BTG4: variants seen among roughly 807,000 people sequenced by gnomAD.
The protein encoded by BTG4 is protein BTG4.
BTG4 carries 10 observed loss-of-function variants against 19.3 expected under a neutral mutation model. That is an observed-to-expected ratio of 0.52 (90% CI 0.32 to 0.88). The LOEUF (loss-of-function observed/expected upper bound fraction) is 0.88, where lower values mean the gene tolerates loss of function less well. Among genes scored for constraint, BTG4 ranks in the 40% least tolerant of loss-of-function variants. The pLI, the probability that BTG4 is intolerant of heterozygous loss-of-function variation, is 0.04. For synonymous variants in BTG4, 91 were observed against 95.7 expected (o/e 0.95, Z 0.29); for missense variants, 238 against 281.9 (o/e 0.84, Z 1.11).
the BTG4 span, among the ~76,000 whole-genome samples, chr11:111,431,721 T>C: frequency 6.6e-6 from 1 of 152,082 alleles, no homozygotes; most frequent in Non-Finnish European, 1.5e-5. Flanking sequence ...GTGTAGGAAA[T>C]GACCAGAGTG....
rs918385029 is a variant in BTG4, at chr11:111,495,186, C to T, written c.639G>A (p.Arg213=). 1.2e-6 allele frequency: 2 copies of T among 1,608,040 alleles called. No homozygotes were observed. Among genetic ancestry groups the T allele is most frequent in the African/African-American group, 1.3e-5 (1 of 74,672 alleles). ...HGSQKHPKCY[R]PAMHRLDRYH... ...ACCTGTCCAGCCGGTGCATAGCAGG[C>T]CTGTAACACTTAGGATGCTTCTGCG... The change falls in exon 5 of 5, where the codon AGG becomes AGA. Residue 213 remains arginine, a synonymous_variant. Coordinates refer to ENST00000692032, the MANE Select transcript of BTG4 (RefSeq NM_001367975.1).
At chr11:111,390,928 G>T in the BTG4 span, among the ~76,000 whole-genome samples, 1 of 152,200 alleles carries the variant, frequency 6.6e-6, no homozygotes, top group African/African-American at 2.4e-5. Context: ...ACCCACCTCC[G>T]ATGGAGTTTG....
At chr11:111,420,547 C>T in the BTG4 span, among the ~76,000 whole-genome samples, 2 of 152,320 alleles carry the variant, frequency 1.3e-5, no homozygotes, top group Non-Finnish European at 2.9e-5. Context: ...ATGATCATCT[C>T]ACAAGAGTTA....
the BTG4 span, among the ~76,000 whole-genome samples, chr11:111,407,337 A>C: frequency 6.6e-6 from 1 of 152,050 alleles, no homozygotes; most frequent in African/African-American, 2.4e-5. Flanking sequence ...AAAGGGAATT[A>C]TTTCTGACAA....
intron 1 of BTG4, among the ~76,000 whole-genome samples, chr11:111,509,973 A>G (rs1184626638): frequency 2.2e-5 from 3 of 135,826 alleles, no homozygotes; most frequent in Non-Finnish European, 3.0e-5. Context: ...GTGCAGTGGC[A>G]CGATCTCGGC....
chr11:111,456,309 G>A, the BTG4 span, among the ~76,000 whole-genome samples: 94 of 152,172 alleles, frequency 6.2e-4, no homozygotes, highest in South Asian at 1.2e-3. The surrounding 1 kb of genome is among the most constrained non-coding windows in gnomAD (Gnocchi z 4.2). Flanking sequence ...GCCGGCCTGC[G>A]CAATGATATC....
chr11:111,444,850 A>C, the BTG4 span, among the ~76,000 whole-genome samples: 2 of 152,194 alleles, frequency 1.3e-5, no homozygotes, highest in South Asian at 4.1e-4. Context: ...AGGAGAGCGC[A>C]GCAGTAAAAG....
the BTG4 span, among the ~76,000 whole-genome samples, chr11:111,429,042 G>A: frequency 0.34 from 51,210 of 151,984 alleles, 8,673 homozygotes; most frequent in African/African-American, 0.36. Flanking sequence ...CTTAAATTGA[G>A]GTAAAAATCT....
At chr11:111,394,632 C>A in the BTG4 span, among the ~76,000 whole-genome samples, 20 of 152,284 alleles carry the variant, frequency 1.3e-4, no homozygotes, top group African/African-American at 4.6e-4. Context: ...AATACACATA[C>A]CCAGTGTGAA....
At chr11:111,442,345 C>CA in the BTG4 span, among the ~76,000 whole-genome samples, 1 of 147,578 alleles carries the variant, frequency 6.8e-6, no homozygotes, top group African/African-American at 2.5e-5. Context: ...TATAAAAATA[C>CA]AAAAAATTAG....
chr11:111,490,244 G>A (rs1210538541), downstream of BTG4, among the ~76,000 whole-genome samples: 5 of 151,700 alleles, frequency 3.3e-5, no homozygotes, highest in Admixed American at 3.3e-4. Flanking sequence ...TTGCACTCCA[G>A]CCTGGGCAAC....
At chr11:111,401,812 TG>T in the BTG4 span, among the ~76,000 whole-genome samples, 1 of 152,202 alleles carries the variant, frequency 6.6e-6, no homozygotes, top group Non-Finnish European at 1.5e-5. Context: ...TGCCCATCAC[TG>T]TATCCCCATC....
At chr11:111,436,975 G>T in the BTG4 span, among the ~76,000 whole-genome samples, 1 of 152,212 alleles carries the variant, frequency 6.6e-6, no homozygotes, top group Admixed American at 6.5e-5. Flanking sequence ...AGCAGACGCT[G>T]CAGGGCAGAA....
chr11:111,454,477 A>G, the BTG4 span: 4 of 363,706 alleles, frequency 1.1e-5, no homozygotes, highest in Non-Finnish European at 2.2e-5. Context: ...TATGGAACAT[A>G]GAGTCCTAAA....
At chr11:111,404,593 G>C in the BTG4 span, 2 of 456,130 alleles carry the variant, frequency 4.4e-6, no homozygotes, top group Non-Finnish European at 8.8e-6. Flanking sequence ...TACTCAAAGG[G>C]TAACAGACCC....
chr11:111,462,992 TGA>T (rs1260279603), downstream of BTG4: 1 of 152,036 alleles, frequency 6.6e-6, no homozygotes, highest in Non-Finnish European at 1.5e-5. Flanking sequence ...AGAAGGGGAG[TGA>T]GAAGAAAGAA....
chr11:111,386,934 G>A, the BTG4 span, among the ~76,000 whole-genome samples: 4 of 152,216 alleles, frequency 2.6e-5, no homozygotes, highest in African/African-American at 9.7e-5. Context: ...AAGAGATTAT[G>A]TAATTTAGAG....
At chr11:111,449,692 G>T in the BTG4 span, 1 of 152,464 alleles carries the variant, frequency 6.6e-6, no homozygotes, top group Non-Finnish European at 1.5e-5. Flanking sequence ...GTGTCCCCAA[G>T]AAGTTTGAGT....
chr11:111,490,284 A>AAT (rs879770204), downstream of BTG4, among the ~76,000 whole-genome samples: 28 of 151,992 alleles, frequency 1.8e-4, no homozygotes, highest in African/African-American at 4.8e-4. Flanking sequence ...AAAAATAAAA[A>AAT]AAATAAATAA....
Sources: gnomAD v4.1 joint callset for allele counts (sites outside exome capture counted in the v4.1 genomes callset) on GRCh38, gnomAD v4.1.1 for gene constraint, Gnocchi (gnomAD v3.1) non-coding constraint, MANE v1.5 for transcripts, NCBI Gene and HGNC (gene_info 2026-07-23, HGNC 2026-07-21) for gene names.